The following MYO18A variants were observed in gnomAD, a reference collection of about 807,000 sequenced individuals.
MYO18A encodes the protein myosin XVIIIA.
A neutral mutation model predicts 235.8 loss-of-function variants in MYO18A; 78 were observed. The observed-to-expected ratio is 0.33, with a 90% CI of 0.28 to 0.40. The LOEUF (loss-of-function observed/expected upper bound fraction) is 0.40, where lower values mean the gene tolerates loss of function less well. MYO18A is among the 10% of genes least tolerant of loss of function. The pLI is 1.00. For synonymous variants in MYO18A, 977 were observed against 1,077.8 expected, an observed-to-expected ratio of 0.91 and a Z score of 1.83; for missense variants, 2,215 against 2,699.3, an observed-to-expected ratio of 0.82 and a Z score of 3.98.
rs370196925 is a variant in MYO18A, at chr17:29,111,683, G to C, written c.2740+39C>G. On this transcript the variant is annotated intron_variant, in intron 16 of 41. Coordinates refer to ENST00000527372, the MANE Select transcript of MYO18A (RefSeq NM_078471.4). This position sits in a 1 kb window ranked among gnomAD's most constrained non-coding sequence, Gnocchi z 5.1. ...GCCACCTGGACCCACCTGTATGTAA[G>C]AGGAAGCAGAGGAGCTACCCTCTAG... 1.2e-6 allele frequency: 2 copies of C among 1,612,562 alleles called. No individual in the cohort carries two copies. Among genetic ancestry groups the C allele is most frequent in the South Asian group, 1.1e-5 (1 of 91,026 alleles).
In MYO18A at chr17:29,071,328, T is replaced by C. The variant is rs771167583; in HGVS notation, c.*3442A>G. ...TCTGCAACATCTTAGGGACCAGAGGTACCATGAGTGTACAGGTAAGGTCAA... is the reference window on the plus strand; with the variant it reads ...TCTGCAACATCTTAGGGACCAGAGGCACCATGAGTGTACAGGTAAGGTCAA... On this transcript the variant is annotated 3_prime_UTR_variant, in exon 42 of 42. Coordinates refer to ENST00000527372, the MANE Select transcript of MYO18A (RefSeq NM_078471.4). The C allele has an allele frequency of 4.6e-5, 7 of 152,152 alleles. No homozygotes were observed. Among genetic ancestry groups the C allele is most frequent in the Non-Finnish European group, 7.4e-5 (5 of 68,026 alleles). 9.4% of individuals were successfully genotyped at this position (152,152 alleles called of 1,614,324 possible).
At chr17:29,098,302 G>A (rs993996957) in intron 24 of MYO18A, 54 bp downstream of exon 24, 5 of 1,611,758 alleles carry the variant, frequency 3.1e-6, no homozygotes, top group African/African-American at 2.7e-5. Flanking sequence ...GACCTGCAGG[G>A]GCTGGGTCTC....
chr17:29,080,978 C>T (rs991151149), intron 41 of MYO18A: 42 of 985,350 alleles, frequency 4.3e-5, no homozygotes, highest in East Asian at 3.4e-4. Flanking sequence ...CTCTCCTCCA[C>T]CCCCGGGGCC....
At chr17:29,113,619 T>C (rs183624428) in intron 15 of MYO18A, among the ~76,000 whole-genome samples, 41 of 152,310 alleles carry the variant, frequency 2.7e-4, no homozygotes, top group South Asian at 4.1e-4. Flanking sequence ...GGAATGACTA[T>C]GTCCTTGGGG....
intron 2 of MYO18A, among the ~76,000 whole-genome samples, chr17:29,157,664 A>AT (rs1303657748): frequency 3.3e-5 from 5 of 152,236 alleles, no homozygotes; most frequent in Non-Finnish European, 5.9e-5. Flanking sequence ...AGAAAATTAA[A>AT]TAAGTGAATA....
chr17:29,100,344 C>T (rs887203591), intron 21 of MYO18A, among the ~76,000 whole-genome samples: 5 of 152,228 alleles, frequency 3.3e-5, no homozygotes, highest in Non-Finnish European at 7.3e-5. Context: ...TCTCCTCCCC[C>T]TCCCTGCTAG....
Position 29,094,935 on chromosome 17 carries a change from C to T in MYO18A, c.4509+1G>A. On this transcript the variant is annotated splice_donor_variant, in intron 29 of 41. Coordinates refer to ENST00000527372, the MANE Select transcript of MYO18A (RefSeq NM_078471.4). LOFTEE classifies it high-confidence loss of function. ...CACAGATGGTGGGTGGCCCTACCCACCTCTAGTTGCTGCTTCAGGCTGAAA... is the reference window on the plus strand; with the variant it reads ...CACAGATGGTGGGTGGCCCTACCCATCTCTAGTTGCTGCTTCAGGCTGAAA... The T allele has an allele frequency of 1.2e-6, 2 of 1,609,998 alleles. No individual in the cohort carries two copies. The highest frequency in any genetic ancestry group is 1.7e-6 in the Non-Finnish European group (2 of 1,176,828).
Position 29,098,921 on chromosome 17 carries a change from T to C in MYO18A, c.3685A>G (p.Lys1229Glu). 1 of 1,613,852 alleles carries C rather than the reference T, an allele frequency of 6.2e-7. No homozygotes were observed. Among genetic ancestry groups the C allele is most frequent in the Non-Finnish European group, 8.5e-7 (1 of 1,179,856 alleles). Reference sequence around the variant, plus strand: ...CACCAGGGCCAGTCCTTCACCCCTTTGTTCTTCTTGATGTTCTTCTGTACA... The same window carrying C: ...CACCAGGGCCAGTCCTTCACCCCTTCGTTCTTCTTGATGTTCTTCTGTACA... ...RCVQKNIKKN[K>E]GVKDWPWWKL... The change falls in exon 23 of 42, where the codon AAA becomes GAA. Residue 1229 changes from lysine (K) to glutamate (E), a missense_variant. Lys to Glu is a moderately conservative substitution (Grantham distance 56). Transcript: ENST00000527372.
chr17:29,144,746 C>T (rs1052385012), intron 2 of MYO18A, among the ~76,000 whole-genome samples: 4 of 152,182 alleles, frequency 2.6e-5, no homozygotes, highest in Non-Finnish European at 5.9e-5. Flanking sequence ...CACCTGAACA[C>T]ATTACATACA....
intron 33 of MYO18A, 24 bp from the exon 34 acceptor site, chr17:29,092,480 C>A: frequency 6.3e-7 from 1 of 1,584,776 alleles, no homozygotes; most frequent in African/African-American, 1.3e-5. Flanking sequence ...ACCCCCGCCC[C>A]AGGGAGAGAT....
chr17:29,131,474 G>A, intron 2 of MYO18A: 2 of 981,180 alleles, frequency 2.0e-6, no homozygotes, highest in African/African-American at 1.7e-5. Flanking sequence ...TCACTGGCAG[G>A]TCAAGGCTGG....
intron 2 of MYO18A, among the ~76,000 whole-genome samples, chr17:29,154,099 A>AGTGTGTGTGTGTGTGTGT (rs200703096): frequency 1.7e-4 from 26 of 149,274 alleles, no homozygotes; most frequent in African/African-American, 4.8e-4. Context: ...TAAATTCTGC[A>AGTGTGTGTGTGTGTGTGT]GAGTGTGTGT....
Position 29,166,499 on chromosome 17 carries a change from C to T in MYO18A, c.442G>A (p.Glu148Lys). ...GGCGTCGAGGTTTCTGAGGCGCTCT[C>T]ATCCCGGCTACGCTGGGAGAAGGAA... is the stretch of plus-strand genomic sequence containing the variant. ...RFSFSQRSRD[E>K]SASETSTPSE... The change falls in exon 2 of 42, where the codon GAG becomes AAG. Residue 148 changes from glutamate to lysine, a missense_variant. Transcript: ENST00000527372. 1.2e-6 allele frequency: 2 copies of T among 1,613,638 alleles called. No individual in the cohort carries two copies. Among genetic ancestry groups the T allele is most frequent in the South Asian group, 2.2e-5 (2 of 91,070 alleles).
rs1426624737 is a variant in MYO18A at position 29,106,447 on chromosome 17, C to A, written c.3441+633G>T. Among the ~76,000 whole-genome samples, 1 of 152,154 alleles carries A rather than the reference C, an allele frequency of 6.6e-6. No individual in the cohort carries two copies. The highest frequency in any genetic ancestry group is 6.5e-5 in the Admixed American group (1 of 15,278). ...GCAGCATCCTCTCCATTTAGGGAAG[C>A]CATCCTAAGGTCTGAGGTGCTTTCA... On this transcript the variant is annotated intron_variant, in intron 20 of 41. Coordinates refer to ENST00000527372, the MANE Select transcript of MYO18A (RefSeq NM_078471.4). This position sits in a 1 kb window ranked among gnomAD's most constrained non-coding sequence, Gnocchi z 4.6.
intron 1 of MYO18A, among the ~76,000 whole-genome samples, chr17:29,168,243 C>T (rs2068325148): frequency 6.6e-6 from 1 of 152,102 alleles, no homozygotes; most frequent in Admixed American, 6.5e-5. Context: ...CCCAGACCAA[C>T]ACCTAAATAT....
chr17:29,126,705 GCTCCTCTCCCACACC>G lies in MYO18A; in HGVS notation c.1000-4467_1000-4453del, dbSNP rs1047364536. 1.3e-5 allele frequency among the ~76,000 whole-genome samples: 2 copies of G among 152,182 alleles called. No individual in the cohort carries two copies. The highest frequency in any genetic ancestry group is 4.8e-5 in the African/African-American group (2 of 41,446). On this transcript the variant is annotated intron_variant, in intron 2 of 41. Coordinates refer to ENST00000527372, the MANE Select transcript of MYO18A (RefSeq NM_078471.4). The surrounding 1 kb of genome is among the most constrained non-coding windows in gnomAD (Gnocchi z 4.1). ...CAGGGAAGTAGTGGCAAAACTTGAT[GCTCCTCTCCCACACC>G]CTGGGAGGCCTCAGCAGGGTCCAAA...
In MYO18A at chr17:29,158,610, C is replaced by A. The variant is rs2068109451; in HGVS notation, c.999+7332G>T. 6.6e-6 allele frequency among the ~76,000 whole-genome samples: 1 copy of A among 152,156 alleles called. No individual in the cohort carries two copies. The highest frequency in any genetic ancestry group is 1.5e-5 in the Non-Finnish European group (1 of 68,024). ...ACTGACAATGGAGGCGCCAGGCTGC[C>A]TGCCCAGGCAGCAGGGGAGCCCTCA... On this transcript the variant is annotated intron_variant, in intron 2 of 41. Coordinates refer to ENST00000527372, the MANE Select transcript of MYO18A (RefSeq NM_078471.4). The surrounding 1 kb of genome is among the most constrained non-coding windows in gnomAD (Gnocchi z 4.3).
At chr17:29,148,357 A>T (rs1032837454) in intron 2 of MYO18A, among the ~76,000 whole-genome samples, 2 of 152,098 alleles carry the variant, frequency 1.3e-5, no homozygotes, top group African/African-American at 4.8e-5. Context: ...AGTTGGGGAG[A>T]GTCCTGTTTA....
Position 29,120,482 on chromosome 17 carries a change from C to T in MYO18A, c.1728+134G>A. 2 of 1,233,386 alleles carry T rather than the reference C, an allele frequency of 1.6e-6. No homozygotes were observed. The highest frequency in any genetic ancestry group is 5.1e-5 in the Admixed American group (2 of 39,064). 76.4% of individuals were successfully genotyped at this position (1,233,386 alleles called of 1,614,324 possible). A position where few individuals can be genotyped will look rare whatever the true frequency, so the allele number is the denominator to read the frequency against. On this transcript the variant is annotated intron_variant, in intron 7 of 41. Coordinates refer to ENST00000527372, the MANE Select transcript of MYO18A (RefSeq NM_078471.4). This position sits in a 1 kb window ranked among gnomAD's most constrained non-coding sequence, Gnocchi z 4.2. Reference sequence around the variant, plus strand: ...GATGCCTCTGGATAGTGCAGGCCAACCCTGCCCATGCCTGGGTCAATTTTG... The same window carrying T: ...GATGCCTCTGGATAGTGCAGGCCAATCCTGCCCATGCCTGGGTCAATTTTG...
Sources: gnomAD v4.1 joint callset for allele counts (sites outside exome capture counted in the v4.1 genomes callset) on GRCh38, gnomAD v4.1.1 for gene constraint, Gnocchi (gnomAD v3.1) non-coding constraint, MANE v1.5 for transcripts, NCBI Gene and HGNC (gene_info 2026-07-23, HGNC 2026-07-21) for gene names.